The following TLL1 variants were observed in gnomAD, a reference collection of about 807,000 sequenced individuals.
The protein encoded by TLL1 is tolloid-like protein 1.
Under a neutral mutation model 128.2 loss-of-function variants are expected in TLL1, and 49 were observed. That is an observed-to-expected ratio of 0.38 (90% confidence interval 0.30 to 0.48). TLL1 has a LOEUF of 0.48. Ranked by LOEUF, TLL1 falls within the 20% of genes least tolerant of loss-of-function variation. The probability of loss-of-function intolerance (pLI) is 0.96; values close to 1 mark genes in which losing one functional copy is unlikely to be tolerated. For missense variants in TLL1, 1,123 were observed against 1,242.0 expected (o/e 0.90, Z 1.44); for synonymous variants, 454 against 418.8 (o/e 1.08, Z -1.03).
intron 5 of TLL1, among the ~76,000 whole-genome samples, chr4:165,998,111 C>A (rs1040601332): frequency 6.6e-6 from 1 of 151,982 alleles, no homozygotes; most frequent in Non-Finnish European, 1.5e-5. Flanking sequence ...TTATTTTTTT[C>A]TTCAACGAAG....
rs1740957827 is a variant in TLL1, at chr4:166,075,006, A to G, written c.2314+3A>G. 1 of 1,613,200 alleles carries G rather than the reference A, an allele frequency of 6.2e-7. No individual in the cohort carries two copies. The highest frequency in any genetic ancestry group is 8.5e-7 in the Non-Finnish European group (1 of 1,179,352). On this transcript the variant is annotated splice_donor_region_variant and intron_variant, in intron 17 of 20. Transcript: ENST00000061240. ...CAATAAACATGATTGCAAGGAAGGT[A>G]TGGAACGGAATACACTTTTTTTGAC...
rs117134247 is a variant in TLL1 at position 165,969,009 on chromosome 4, A to G, written c.170-20372A>G. 1.0e-3 allele frequency among the ~76,000 whole-genome samples: 159 copies of G among 152,298 alleles called. 3 individuals are homozygous for G. In the East Asian group the frequency reaches 0.027, roughly 26 times the overall value. Reference sequence around the variant, plus strand: ...CTGGGAAAAATTGAATTTCACATTGAGATGCTTTGCGTTTAGCAAAACCCA... The same window carrying G: ...CTGGGAAAAATTGAATTTCACATTGGGATGCTTTGCGTTTAGCAAAACCCA... On this transcript the variant is annotated intron_variant, in intron 1 of 20. Coordinates refer to ENST00000061240, the MANE Select transcript of TLL1 (RefSeq NM_012464.5).
intron 19 of TLL1, among the ~76,000 whole-genome samples, chr4:166,094,333 C>T (rs1741921619): frequency 6.6e-6 from 1 of 152,126 alleles, no homozygotes; most frequent in Non-Finnish European, 1.5e-5. Context: ...AATACTTTCT[C>T]ATGTAAAACT....
intron 18 of TLL1, among the ~76,000 whole-genome samples, chr4:166,080,162 G>A (rs1206229295): frequency 6.6e-6 from 1 of 151,946 alleles, no homozygotes; most frequent in Non-Finnish European, 1.5e-5. Context: ...TCTCTTTCTG[G>A]CTTGTATATG....
chr4:165,906,151 G>A (rs977348587), intron 1 of TLL1, among the ~76,000 whole-genome samples: 4 of 152,136 alleles, frequency 2.6e-5, no homozygotes, highest in South Asian at 2.1e-4. Flanking sequence ...CTACAACAGC[G>A]TATTTGAGTA....
intron 5 of TLL1, among the ~76,000 whole-genome samples, chr4:166,000,815 A>G (rs2111029471): frequency 6.6e-6 from 1 of 152,302 alleles, no homozygotes; most frequent in East Asian, 1.9e-4. Context: ...TATTATTTGA[A>G]CAAAAAACTA....
At chr4:166,022,378 T>G (rs549446418) in intron 8 of TLL1, among the ~76,000 whole-genome samples, 48 of 152,312 alleles carry the variant, frequency 3.2e-4, no homozygotes, top group South Asian at 2.5e-3. Flanking sequence ...TTGGCCAGGC[T>G]GGTCTGGAAC....
intron 8 of TLL1, among the ~76,000 whole-genome samples, chr4:166,014,787 A>G (rs1737861226): frequency 6.6e-6 from 1 of 151,994 alleles, no homozygotes; most frequent in Admixed American, 6.6e-5. Flanking sequence ...CAGGGATAGT[A>G]TATTTTATTT....
intron 1 of TLL1, among the ~76,000 whole-genome samples, chr4:165,909,883 G>C (rs1364371820): frequency 6.6e-6 from 1 of 152,114 alleles, no homozygotes; most frequent in Non-Finnish European, 1.5e-5. Context: ...GTTACATGTA[G>C]TTTTGCAAGT....
chr4:166,028,364 T>C (rs996917209), intron 9 of TLL1, among the ~76,000 whole-genome samples: 2 of 152,070 alleles, frequency 1.3e-5, no homozygotes, highest in Non-Finnish European at 2.9e-5. Context: ...TTCCTATTTA[T>C]CTCTCCTTGA....
intron 1 of TLL1, among the ~76,000 whole-genome samples, chr4:165,988,305 A>G (rs546443614): frequency 6.6e-6 from 1 of 152,222 alleles, no homozygotes; most frequent in South Asian, 2.1e-4. Flanking sequence ...AGCATAATAC[A>G]CTAGGTAAAA....
chr4:165,991,272 GATA>G (rs1272031562), intron 2 of TLL1, among the ~76,000 whole-genome samples: 2 of 151,886 alleles, frequency 1.3e-5, no homozygotes, highest in Non-Finnish European at 2.9e-5. Context: ...AGATCATACT[GATA>G]ATAATAAAAA....
chr4:165,968,220 CAT>C (rs1332357667), intron 1 of TLL1, among the ~76,000 whole-genome samples: 1 of 152,132 alleles, frequency 6.6e-6, no homozygotes, highest in Non-Finnish European at 1.5e-5. Context: ...TCTTTTACAA[CAT>C]AGCATTTCTA....
In TLL1 at chr4:166,087,294, AAAAC is replaced by A. The variant is rs1283333921; in HGVS notation, c.2443-3830_2443-3827del. 6.6e-5 allele frequency among the ~76,000 whole-genome samples: 10 copies of A among 152,294 alleles called. No homozygotes were observed. The East Asian group carries it at 1.9e-3, about 29-fold the overall frequency. On this transcript the variant is annotated intron_variant, in intron 18 of 20. Coordinates refer to ENST00000061240, the MANE Select transcript of TLL1 (RefSeq NM_012464.5). ...ATAGCTTTATATATGGGATATTTAAAAAACAAAAACATCTACAACTGTTAAATAA... is the reference window on the plus strand; with the variant it reads ...ATAGCTTTATATATGGGATATTTAAAAAAAACATCTACAACTGTTAAATAA...
chr4:166,074,882 A>G lies in TLL1; in HGVS notation c.2193A>G (p.Lys731=), dbSNP rs756204495. The change falls in exon 17 of 21, where the codon AAA becomes AAG. Residue 731 remains lysine (K), a synonymous_variant. Coordinates refer to ENST00000061240, the MANE Select transcript of TLL1 (RefSeq NM_012464.5). ...KGFKAHFFSD[K]DECSKDNGGC... ...TGGGATTGATCTCTTTGCTAGACAA[A>G]GATGAATGCTCTAAGGATAATGGTG... 3.9e-5 allele frequency: 63 copies of G among 1,613,284 alleles called. 1 individual carries two copies. The highest frequency in any genetic ancestry group is 1.1e-5 in the Non-Finnish European group (13 of 1,179,514).
At chr4:166,002,826 T>G (rs1737233518) in intron 5 of TLL1, among the ~76,000 whole-genome samples, 1 of 152,204 alleles carries the variant, frequency 6.6e-6, no homozygotes, top group Non-Finnish European at 1.5e-5. Flanking sequence ...AAAAAGTAAT[T>G]TCTTCTTTTT....
intron 1 of TLL1, among the ~76,000 whole-genome samples, chr4:165,888,889 T>G (rs1372310082): frequency 6.6e-6 from 1 of 152,174 alleles, no homozygotes; most frequent in Non-Finnish European, 1.5e-5. Flanking sequence ...CCCTATGTCT[T>G]CTATCCTTAA....
chr4:166,082,836 C>T (rs1741351994), intron 18 of TLL1, among the ~76,000 whole-genome samples: 1 of 151,904 alleles, frequency 6.6e-6, no homozygotes, highest in Non-Finnish European at 1.5e-5. Context: ...TGCCACCACC[C>T]CTGGCTAATT....
rs149411191 is a variant in TLL1, at chr4:165,933,664, G to A, written c.170-55717G>A. 2.1e-3 allele frequency among the ~76,000 whole-genome samples: 319 copies of A among 152,268 alleles called. 7 individuals carry two copies. The highest frequency in any genetic ancestry group is 0.016 in the Admixed American group (248 of 15,296). On this transcript the variant is annotated intron_variant, in intron 1 of 20. Transcript: ENST00000061240. ...CATGGGAATTGAGGAGGGCCTGGGA[G>A]TGCTAGCGTGGATGGCTTCTTACCT...
Sources: allele counts gnomAD v4.1 joint callset (sites outside exome capture counted in the v4.1 genomes callset), GRCh38; gene constraint gnomAD v4.1.1; transcripts MANE v1.5; gene names NCBI Gene and HGNC (gene_info 2026-07-23, HGNC 2026-07-21).